Variants in ADGRL3 observed in about 807,000 individuals in gnomAD.
ADGRL3 encodes calcium-independent alpha-latrotoxin receptor 3.
Under a neutral mutation model 153.5 loss-of-function variants are expected in ADGRL3, and 62 were observed. That is an observed-to-expected ratio of 0.40 (90% confidence interval 0.33 to 0.50). ADGRL3 has a LOEUF of 0.50. ADGRL3 is among the 20% of genes least tolerant of loss of function. ADGRL3 has a pLI of 0.47. For synonymous variants in ADGRL3, 710 were observed against 672.5 expected (o/e 1.06, Z -0.86); for missense variants, 1,641 against 1,859.4 (o/e 0.88, Z 2.16).
chr4:61,833,591 C>T, intron 9 of ADGRL3, among the ~76,000 whole-genome samples: 1 of 152,086 alleles, frequency 6.6e-6, no homozygotes, highest in East Asian at 1.9e-4. Flanking sequence ...GTTTATCAGT[C>T]TGGGTGGTGC....
intron 6 of ADGRL3, among the ~76,000 whole-genome samples, chr4:61,711,172 A>G (rs976670571): frequency 2.0e-5 from 3 of 152,034 alleles, no homozygotes; most frequent in Non-Finnish European, 4.4e-5. Context: ...ACTTCTTCTT[A>G]TATCAGGGAT....
At chr4:61,662,601 A>G (rs1011180309) in intron 5 of ADGRL3, among the ~76,000 whole-genome samples, 5 of 152,156 alleles carry the variant, frequency 3.3e-5, no homozygotes, top group African/African-American at 1.2e-4. Flanking sequence ...GGAACAGCCT[A>G]TGTCCCATGG....
chr4:61,353,743 A>T (rs2096103139), intron 1 of ADGRL3, among the ~76,000 whole-genome samples: 1 of 151,740 alleles, frequency 6.6e-6, no homozygotes, highest in African/African-American at 2.4e-5. Flanking sequence ...ACACATCCTA[A>T]GTGTTCTTTA....
At chr4:61,596,518 C>T (rs1441644072) in intron 5 of ADGRL3, among the ~76,000 whole-genome samples, 1 of 152,088 alleles carries the variant, frequency 6.6e-6, no homozygotes, top group Non-Finnish European at 1.5e-5. Flanking sequence ...TGCCAGAGCT[C>T]AACTTACACT....
At chr4:61,225,304 C>G (rs1373292791) in intron 1 of ADGRL3, among the ~76,000 whole-genome samples, 1 of 152,120 alleles carries the variant, frequency 6.6e-6, no homozygotes, top group Admixed American at 6.6e-5. Flanking sequence ...TCACTGGTTC[C>G]TAGCCAAACC....
chr4:61,995,921 G>A (rs1015126958), intron 19 of ADGRL3, among the ~76,000 whole-genome samples: 6 of 152,100 alleles, frequency 3.9e-5, no homozygotes, highest in Non-Finnish European at 8.8e-5. Context: ...CTGATAGACA[G>A]GTTATGTAGC....
intron 9 of ADGRL3, among the ~76,000 whole-genome samples, chr4:61,872,199 G>T (rs377144860): frequency 1.3e-5 from 2 of 152,144 alleles, no homozygotes; most frequent in South Asian, 2.1e-4. Context: ...GGATCATAGT[G>T]TGTGTCGGAT....
intron 9 of ADGRL3, among the ~76,000 whole-genome samples, chr4:61,870,653 C>G (rs1264694323): frequency 2.0e-5 from 3 of 152,006 alleles, no homozygotes. Context: ...GACATTTCAC[C>G]AAAGAAGATA....
At chr4:61,678,728 A>G (rs1412494889) in intron 6 of ADGRL3, among the ~76,000 whole-genome samples, 2 of 151,988 alleles carry the variant, frequency 1.3e-5, no homozygotes, top group East Asian at 3.8e-4. Flanking sequence ...TTTATTAAAT[A>G]AGAATTATAC....
At chr4:61,396,422 A>G (rs1420624705) in intron 2 of ADGRL3, among the ~76,000 whole-genome samples, 1 of 151,966 alleles carries the variant, frequency 6.6e-6, no homozygotes, top group Non-Finnish European at 1.5e-5. Context: ...TTTAAAAAAA[A>G]AACTTTTATA....
intron 2 of ADGRL3, among the ~76,000 whole-genome samples, chr4:61,402,917 C>G (rs1386243860): frequency 1.3e-5 from 2 of 151,896 alleles, no homozygotes; most frequent in African/African-American, 4.8e-5. Flanking sequence ...GTTTAGGTGG[C>G]TTAAAAACGG....
intron 6 of ADGRL3, among the ~76,000 whole-genome samples, chr4:61,689,739 A>G (rs2095505855): frequency 6.6e-6 from 1 of 152,106 alleles, no homozygotes; most frequent in South Asian, 2.1e-4. Flanking sequence ...GATGTGACTG[A>G]TTGATTGTTT....
intron 9 of ADGRL3, among the ~76,000 whole-genome samples, chr4:61,851,001 G>A (rs1392397335): frequency 1.3e-5 from 2 of 152,056 alleles, no homozygotes; most frequent in Non-Finnish European, 2.9e-5. Flanking sequence ...TATTAAAAGT[G>A]AATAAAAAAG....
intron 1 of ADGRL3, among the ~76,000 whole-genome samples, chr4:61,235,000 G>A (rs1752274155): frequency 6.6e-6 from 1 of 152,084 alleles, no homozygotes; most frequent in Non-Finnish European, 1.5e-5. Flanking sequence ...AAAACATGAG[G>A]AAAACAAGAA....
chr4:61,223,345 T>C (rs1251001990), intron 1 of ADGRL3, among the ~76,000 whole-genome samples: 1 of 152,226 alleles, frequency 6.6e-6, no homozygotes, highest in East Asian at 1.9e-4. Context: ...AAAGTGCATT[T>C]AATGGGCTCT....
chr4:61,948,152 G>A lies in ADGRL3; in HGVS notation c.2681G>A (p.Arg894His), dbSNP rs372785017. ...TGTTCATTTTGGAGCTACTCCAAGC[G>A]TACAATGACAGGTTATTGGTCAACA... ...PNCSFWSYSK[R>H]TMTGYWSTQG... The change falls in exon 17 of 27, where the codon CGT becomes CAT. Residue 894 changes from arginine (R) to histidine (H), a missense_variant. Physicochemically the swap from Arg to His is conservative, Grantham distance 29. Around this residue, in one of 5 missense-constraint regions of ADGRL3, gnomAD observed 734 missense variants for 797.0 expected, o/e 0.92. Coordinates refer to ENST00000683033, the MANE Select transcript of ADGRL3 (RefSeq NM_001387552.1). 1.2e-4 allele frequency: 200 copies of A among 1,613,458 alleles called. No individual in the cohort carries two copies. Among genetic ancestry groups the A allele is most frequent in the Admixed American group, 2.0e-4 (12 of 59,908 alleles).
At chr4:61,301,383 C>T (rs542255914) in intron 1 of ADGRL3, among the ~76,000 whole-genome samples, 3 of 152,276 alleles carry the variant, frequency 2.0e-5, no homozygotes, top group South Asian at 4.1e-4. Context: ...ACAAGTTTTA[C>T]GAAGAGATGT....
chr4:61,748,263 C>T (rs2096699863), intron 8 of ADGRL3, among the ~76,000 whole-genome samples: 2 of 152,068 alleles, frequency 1.3e-5, no homozygotes, highest in Admixed American at 6.6e-5. Context: ...GAATCAATAT[C>T]ATGAAAATGA....
chr4:62,012,643 C>A (rs948010945), intron 21 of ADGRL3, among the ~76,000 whole-genome samples: 1 of 152,088 alleles, frequency 6.6e-6, no homozygotes, highest in East Asian at 1.9e-4. Context: ...AAGAGATTGC[C>A]ATTTCAGTAA....
Sources: gnomAD v4.1 joint callset for allele counts (sites outside exome capture counted in the v4.1 genomes callset) on GRCh38, gnomAD v4.1.1 for gene constraint, gnomAD v4.1.1 regional missense constraint, MANE v1.5 for transcripts, NCBI Gene and HGNC (gene_info 2026-07-23, HGNC 2026-07-21) for gene names.